SLC35F4: variants seen among roughly 807,000 people sequenced by gnomAD.
The protein encoded by SLC35F4 is chromosome 14 open reading frame 36.
A neutral mutation model predicts 44.2 loss-of-function variants in SLC35F4; 24 were observed. The ratio of observed to expected loss-of-function variants is 0.54; its 90% confidence interval spans 0.39 to 0.76. The LOEUF is 0.76. SLC35F4 is among the 30% of genes least tolerant of loss of function. The pLI, the probability that SLC35F4 is intolerant of heterozygous loss-of-function variation, is 0.00. For missense variants in SLC35F4, 562 were observed against 586.1 expected, an observed-to-expected ratio of 0.96 and a Z score of 0.42; for synonymous variants, 238 against 223.6, an observed-to-expected ratio of 1.06 and a Z score of -0.57.
chr14:57,658,856 T>A (rs905850882), intron 1 of SLC35F4, among the ~76,000 whole-genome samples: 1 of 152,150 alleles, frequency 6.6e-6, no homozygotes, highest in African/African-American at 2.4e-5. Flanking sequence ...AGTGAAGGAA[T>A]AGACTCACTA....
At chr14:57,599,000 G>T (rs568267192) in intron 1 of SLC35F4, among the ~76,000 whole-genome samples, 1 of 152,188 alleles carries the variant, frequency 6.6e-6, no homozygotes. Context: ...ACCACTGGCT[G>T]TGTCAACTCA....
chr14:57,725,633 G>T (rs2140452090), intron 1 of SLC35F4, among the ~76,000 whole-genome samples: 1 of 152,296 alleles, frequency 6.6e-6, no homozygotes, highest in Middle Eastern at 3.4e-3. Context: ...GAACTCACTG[G>T]TCTTATCATG....
chr14:57,583,238 G>C (rs1360667895), intron 3 of SLC35F4, among the ~76,000 whole-genome samples: 2 of 152,182 alleles, frequency 1.3e-5, no homozygotes, highest in African/African-American at 4.8e-5. Context: ...ACCAGAGGAA[G>C]TTTTCATAGA....
intron 1 of SLC35F4, among the ~76,000 whole-genome samples, chr14:57,753,140 T>A (rs997481768): frequency 1.3e-5 from 2 of 152,214 alleles, no homozygotes; most frequent in Non-Finnish European, 2.9e-5. Flanking sequence ...GGCCTCATTA[T>A]GATATGCACT....
chr14:57,694,731 A>G (rs2075332849), intron 1 of SLC35F4, among the ~76,000 whole-genome samples: 1 of 152,100 alleles, frequency 6.6e-6, no homozygotes, highest in African/African-American at 2.4e-5. Flanking sequence ...ATAATATTTT[A>G]CAGTTTTCTG....
intron 1 of SLC35F4, among the ~76,000 whole-genome samples, chr14:57,619,278 T>C (rs113870155): frequency 1.1e-4 from 17 of 152,262 alleles, no homozygotes; most frequent in African/African-American, 3.8e-4. Flanking sequence ...GACAGACACC[T>C]CATACAGGAG....
chr14:57,812,856 A>G (rs1369027745), intron 1 of SLC35F4, among the ~76,000 whole-genome samples: 1 of 152,196 alleles, frequency 6.6e-6, no homozygotes, highest in East Asian at 1.9e-4. Context: ...GCTCGATCAT[A>G]GAGTTAACAG....
intron 1 of SLC35F4, among the ~76,000 whole-genome samples, chr14:57,906,483 A>G (rs2783249): frequency 0.2 from 29,928 of 152,164 alleles, 3,153 homozygotes; most frequent in South Asian, 0.24. Flanking sequence ...CTAACAGGAC[A>G]TTTGAATTGT....
At chr14:57,865,180 C>A (rs113863227) in intron 1 of SLC35F4, among the ~76,000 whole-genome samples, 10,356 of 151,850 alleles carry the variant, frequency 0.068, 438 homozygotes, top group Middle Eastern at 0.15. Flanking sequence ...ATACTGTAAC[C>A]GGAGTAACTC....
At chr14:57,795,061 C>G (rs547007905) in intron 1 of SLC35F4, among the ~76,000 whole-genome samples, 1 of 152,178 alleles carries the variant, frequency 6.6e-6, no homozygotes, top group South Asian at 2.1e-4. Context: ...AAAATTAGCT[C>G]CCTTCCTCAA....
In SLC35F4 at chr14:57,884,252, C is replaced by T; in HGVS notation, n.282+97661G>A. ...ACCGAAGGTGATTGGAGCATCTGTT[C>T]TTCCTCAACAGATTTTGGCTTTTCG... On this transcript the variant is annotated intron_variant and non_coding_transcript_variant, in intron 1 of 1. Coordinates refer to the SLC35F4 transcript ENST00000556568. Among the ~76,000 whole-genome samples the T allele has an allele frequency of 1.3e-5, 2 of 152,180 alleles. 1 individual carries two copies. Among genetic ancestry groups the T allele is most frequent in the Non-Finnish European group, 2.9e-5 (2 of 68,036 alleles).
intron 1 of SLC35F4, among the ~76,000 whole-genome samples, chr14:57,701,510 A>G (rs1156302995): frequency 6.6e-6 from 1 of 152,204 alleles, no homozygotes; most frequent in Non-Finnish European, 1.5e-5. Context: ...ATTGTATGTT[A>G]TATTTTTATA....
chr14:57,741,253 A>G (rs1432542859), intron 1 of SLC35F4, among the ~76,000 whole-genome samples: 2 of 152,258 alleles, frequency 1.3e-5, no homozygotes, highest in African/African-American at 2.4e-5. Context: ...GAGTTGAGAG[A>G]AGAAGGCTTC....
chr14:57,575,986 T>C (rs535031902), intron 4 of SLC35F4, among the ~76,000 whole-genome samples: 3 of 140,284 alleles, frequency 2.1e-5, no homozygotes, highest in South Asian at 4.6e-4. Context: ...TTTTCTTGTA[T>C]CTTTTTTTTT....
At chr14:57,752,482 G>C (rs2076908009) in intron 1 of SLC35F4, among the ~76,000 whole-genome samples, 1 of 149,894 alleles carries the variant, frequency 6.7e-6, no homozygotes, top group Non-Finnish European at 1.5e-5. Context: ...TTTTTTTTGA[G>C]ACGGAGTCTT....
intron 1 of SLC35F4, among the ~76,000 whole-genome samples, chr14:57,937,864 C>T (rs1889843630): frequency 6.6e-6 from 1 of 152,064 alleles, no homozygotes; most frequent in African/African-American, 2.4e-5. Flanking sequence ...CAGAGTTATG[C>T]AGCATCAAGT....
intron 1 of SLC35F4, among the ~76,000 whole-genome samples, chr14:57,865,429 A>C (rs1189359693): frequency 1.3e-5 from 2 of 152,304 alleles, no homozygotes; most frequent in Middle Eastern, 6.8e-3. Flanking sequence ...GAGCCGGCCA[A>C]CGGCGGTCAG....
At chr14:57,727,898 A>T (rs2076243580) in intron 1 of SLC35F4, among the ~76,000 whole-genome samples, 1 of 152,200 alleles carries the variant, frequency 6.6e-6, no homozygotes, top group Non-Finnish European at 1.5e-5. Flanking sequence ...TATTAGTTCC[A>T]TTTGTTCCAC....
At chr14:57,597,437 T>C (rs1420995852) in intron 1 of SLC35F4, among the ~76,000 whole-genome samples, 1 of 152,186 alleles carries the variant, frequency 6.6e-6, no homozygotes, top group Admixed American at 6.5e-5. Flanking sequence ...ATTCAACAAG[T>C]AGTTATTAAG....
Sources: gnomAD v4.1 joint callset for allele counts (sites outside exome capture counted in the v4.1 genomes callset) on GRCh38, gnomAD v4.1.1 for gene constraint, MANE v1.5 for transcripts, NCBI Gene and HGNC (gene_info 2026-07-23, HGNC 2026-07-21) for gene names.